The following ASPM variants were observed in gnomAD, a reference collection of about 807,000 sequenced individuals.
ASPM encodes assembly factor for spindle microtubules, also known as abnormal spindle-like microcephaly-associated protein.
A neutral mutation model predicts 366.4 loss-of-function variants in ASPM; 256 were observed. The observed-to-expected ratio is 0.70, with a 90% CI of 0.63 to 0.77. ASPM has a LOEUF of 0.77. Among genes scored for constraint, ASPM ranks in the 30% least tolerant of loss-of-function variants. ASPM has a pLI of 0.00. For missense variants in ASPM, 4,146 were observed against 4,090.4 expected (o/e 1.01, Z -0.37); for synonymous variants, 1,414 against 1,342.9 (o/e 1.05, Z -1.16).
chr1:197,123,736 C>A (rs1657989610), intron 13 of ASPM, among the ~76,000 whole-genome samples: 1 of 152,084 alleles, frequency 6.6e-6, no homozygotes, highest in African/African-American at 2.4e-5. Context: ...TATAGAGAGA[C>A]TCAAATTTTG....
At chr1:197,088,146 C>A in intron 26 of ASPM, 110 bp downstream of exon 26, 1 of 1,216,332 alleles carries the variant, frequency 8.2e-7, no homozygotes, top group Non-Finnish European at 1.2e-6. Flanking sequence ...GGTTTGAACA[C>A]ACATAAAACC....
At position 197,102,069 on chromosome 1, in the gene ASPM, T is replaced by C. The variant is rs1160882177; in HGVS notation, c.7182A>G (p.Ala2394=). ...QRHSAVILQA[A]FRGMKTRRHL... is the part of the protein sequence containing the mutation. Reference sequence around the variant, plus strand: ...GTCTTCTAGTTTTCATACCCCTGAATGCAGCCTGAAGGATCACAGCAGAGT... The same window carrying C: ...GTCTTCTAGTTTTCATACCCCTGAACGCAGCCTGAAGGATCACAGCAGAGT... The change falls in exon 18 of 28, where the codon GCA becomes GCG. Residue 2394 remains alanine, a synonymous_variant. Coordinates refer to ENST00000367409, the MANE Select transcript of ASPM (RefSeq NM_018136.5). 3 of 1,613,032 alleles carry C rather than the reference T, an allele frequency of 1.9e-6. No individual in the cohort carries two copies. The highest frequency in any genetic ancestry group is 2.5e-6 in the Non-Finnish European group (3 of 1,179,330).
Position 197,146,051 on chromosome 1 carries a change from C to T in ASPM, c.297+90G>A, listed in dbSNP as rs549916897. On this transcript the variant is annotated intron_variant, in intron 1 of 27. Transcript: ENST00000367409. ...CTCTAAGGGTCTTTTCTGATTTCTT[C>T]TCCAATCGTCAACCTTCCTGAGGAG... 7.9e-6 allele frequency: 12 copies of T among 1,523,406 alleles called. No individual in the cohort carries two copies. In the East Asian group the frequency reaches 1.6e-4, roughly 20 times the overall value. 94.4% of individuals were successfully genotyped at this position (1,523,406 alleles called of 1,614,324 possible). A position where few individuals can be genotyped will look rare whatever the true frequency, so the allele number is the denominator to read the frequency against.
intron 4 of ASPM, chr1:197,138,658 ACTTC>A (rs1658490321): frequency 3.7e-6 from 2 of 539,694 alleles, no homozygotes. Flanking sequence ...TAAAATAAGA[ACTTC>A]AATCAGATTT....
chr1:197,146,355 G>A lies in ASPM; in HGVS notation c.83C>T (p.Ala28Val), dbSNP rs748580592. 9.9e-6 allele frequency: 16 copies of A among 1,610,342 alleles called. No individual in the cohort carries two copies. Among genetic ancestry groups the A allele is most frequent in the South Asian group, 2.2e-5 (2 of 91,038 alleles). ...CGGGGAAGACGCCTCCTCCTCGGCC[G>A]CGGGGCCCCGCAGCCCCGCGGGCGG... is the stretch of plus-strand genomic sequence containing the variant. ...RRPPAGLRGPAAEEEASSPPV... is the reference protein window; with the variant it reads ...RRPPAGLRGPVAEEEASSPPV... Residue 28 changes from alanine to valine, a missense_variant, in exon 1 of 28, where the codon GCG becomes GTG. Coordinates refer to ENST00000367409, the MANE Select transcript of ASPM (RefSeq NM_018136.5).
chr1:197,127,076 A>C (rs1658111397), intron 10 of ASPM, among the ~76,000 whole-genome samples: 1 of 152,214 alleles, frequency 6.6e-6, no homozygotes, highest in South Asian at 2.1e-4. Context: ...TTTATGCCCC[A>C]GAGTTTTCTC....
At chr1:197,086,993 T>C in intron 26 of ASPM, 21 bp from the exon 27 acceptor site, 1 of 1,594,504 alleles carries the variant, frequency 6.3e-7, no homozygotes. Flanking sequence ...AAATGCACAG[T>C]TACTAAAAAG....
Position 197,104,414 on chromosome 1 carries a change from G to C in ASPM, c.4837C>G (p.Gln1613Glu). The change falls in exon 18 of 28, where the codon CAG (glutamine) becomes GAG (glutamate). Residue 1613 changes from glutamine (Q) to glutamate (E), a missense_variant. Around this residue, in one of 3 missense-constraint regions of ASPM, gnomAD observed 3,624 missense variants for 3,591.7 expected, o/e 1.01. Transcript: ENST00000367409. ...KKMKKAAVII[Q>E]THFRAYIFAM... Reference sequence around the variant, plus strand: ...AAAATATAAGCTCGGAAATGAGTCTGAATTATAACAGCTGCTTTCTTCATC... The same window carrying C: ...AAAATATAAGCTCGGAAATGAGTCTCAATTATAACAGCTGCTTTCTTCATC... 6.2e-7 allele frequency: 1 copy of C among 1,613,034 alleles called. No homozygotes were observed. Among genetic ancestry groups the C allele is most frequent in the Non-Finnish European group, 8.5e-7 (1 of 1,179,420 alleles).
intron 22 of ASPM, 114 bp from the exon 23 acceptor site, chr1:197,091,155 T>G: frequency 2.0e-5 from 20 of 989,524 alleles, no homozygotes; most frequent in Non-Finnish European, 3.0e-5. Flanking sequence ...TCAAGAAATC[T>G]TTCAGCTTTC....
rs375308966 is a variant in ASPM, at chr1:197,090,030, G to C, written c.9884C>G (p.Ala3295Gly). The C allele has an allele frequency of 2.5e-6, 4 of 1,613,048 alleles. No homozygotes were observed. In the East Asian group the frequency reaches 6.7e-5, roughly 27 times the overall value. ...GATCAAAACAAATATTTTAGAAATT[G>C]CTCCACTCTGGGCCATGTTCTCACA... is the stretch of plus-strand genomic sequence containing the variant. Reference protein sequence around the residue: ...LCCENMAQSGAISKIFVLIRS... With the variant: ...LCCENMAQSGGISKIFVLIRS... The change falls in exon 25 of 28, where the codon GCA becomes GGA. Residue 3295 changes from alanine to glycine, a missense_variant. Transcript: ENST00000367409.
At chr1:197,131,460 T>C (rs536027154) in intron 7 of ASPM, among the ~76,000 whole-genome samples, 60 of 152,170 alleles carry the variant, frequency 3.9e-4, no homozygotes, top group Non-Finnish European at 7.3e-4. Flanking sequence ...AAGAACTATG[T>C]AAAGAATGCA....
intron 6 of ASPM, among the ~76,000 whole-genome samples, chr1:197,132,791 T>G (rs1169139582): frequency 2.7e-5 from 4 of 150,754 alleles, no homozygotes; most frequent in Non-Finnish European, 5.9e-5. Flanking sequence ...TGAAGTACTA[T>G]TCAGTCTTAA....
chr1:197,137,422 A>G (rs1658452111), intron 4 of ASPM, among the ~76,000 whole-genome samples: 1 of 152,292 alleles, frequency 6.6e-6, no homozygotes, highest in Admixed American at 6.5e-5. Flanking sequence ...CTTCCCCCAA[A>G]TTATAAAATC....
Position 197,091,830 on chromosome 1 carries a change from G to T in ASPM, c.9444+77C>A, listed in dbSNP as rs1052400679. 6 of 1,465,644 alleles carry T rather than the reference G, an allele frequency of 4.1e-6. No homozygotes were observed. The African/African-American group carries it at 8.5e-5, about 21-fold the overall frequency. 90.8% of individuals were successfully genotyped at this position (1,465,644 alleles called of 1,614,324 possible). On this transcript the variant is annotated intron_variant, in intron 22 of 27. Coordinates refer to ENST00000367409, the MANE Select transcript of ASPM (RefSeq NM_018136.5). Reference sequence around the variant, plus strand: ...GTACGACCTTAGCATAAAGCATTTGGAAATTGTTTATTACATATCAAAAAT... The same window carrying T: ...GTACGACCTTAGCATAAAGCATTTGTAAATTGTTTATTACATATCAAAAAT...
rs750288481 is a variant in ASPM at position 197,130,038 on chromosome 1, T to G, written c.2506A>C (p.Ile836Leu). ...ACATCACTGTTATCTTCCAAAGATA[T>G]GAGTTCTCCATAAGTTGTCTGAAAA... ...IGLETTYGEL[I>L]SLEDNSDVTG... Residue 836 changes from isoleucine to leucine, a missense_variant, in exon 8 of 28, where the codon ATA becomes CTA. Physicochemically the swap from Ile to Leu is conservative, Grantham distance 5. Transcript: ENST00000367409. The G allele has an allele frequency of 3.1e-6, 5 of 1,613,876 alleles. No individual in the cohort carries two copies. The South Asian group carries it at 5.5e-5, about 18-fold the overall frequency.
chr1:197,102,534 C>T lies in ASPM; in HGVS notation c.6717G>A (p.Leu2239=). ...CCTGAATGTATATTACAGAATGCCT[C>T]AGTTTGTTATACCTTTGAAATTGTA... ...RNIQFQRYNK[L]RHSVIYIQAI... The change falls in exon 18 of 28, where the codon CTG becomes CTA. Residue 2239 remains leucine, a synonymous_variant. Transcript: ENST00000367409. The T allele has an allele frequency of 6.2e-7, 1 of 1,612,484 alleles. No individual in the cohort carries two copies. Among genetic ancestry groups the T allele is most frequent in the Non-Finnish European group, 8.5e-7 (1 of 1,179,170 alleles).
chr1:197,087,021 T>G, intron 26 of ASPM, 49 bp from the exon 27 acceptor site: 1 of 1,506,900 alleles, frequency 6.6e-7, no homozygotes, highest in South Asian at 1.2e-5. Context: ...AATTAAAATT[T>G]TATCTCTTTT....
At chr1:197,134,155 T>C (rs1258973740) in intron 5 of ASPM, among the ~76,000 whole-genome samples, 1 of 151,848 alleles carries the variant, frequency 6.6e-6, no homozygotes, top group Non-Finnish European at 1.5e-5. Context: ...CCCAGCCTTT[T>C]GGGAGGCCAA....
intron 18 of ASPM, among the ~76,000 whole-genome samples, chr1:197,100,169 T>A (rs1657106659): frequency 6.6e-6 from 1 of 151,724 alleles, no homozygotes; most frequent in South Asian, 2.1e-4. Flanking sequence ...TCAAAATTCT[T>A]CTAAGAGTGC....
Sources: gnomAD v4.1 joint callset for allele counts (sites outside exome capture counted in the v4.1 genomes callset) on GRCh38, gnomAD v4.1.1 for gene constraint, gnomAD v4.1.1 regional missense constraint, MANE v1.5 for transcripts, NCBI Gene and HGNC (gene_info 2026-07-23, HGNC 2026-07-21) for gene names.